The following PTPRD variants were observed in gnomAD, a reference collection of about 807,000 sequenced individuals.
PTPRD encodes the protein protein tyrosine phosphatase receptor type D.
A neutral mutation model predicts 214.5 loss-of-function variants in PTPRD; 34 were observed. That is an observed-to-expected ratio of 0.16 (90% CI 0.12 to 0.21). The LOEUF (loss-of-function observed/expected upper bound fraction) is 0.21, where lower values mean the gene tolerates loss of function less well. PTPRD is among the 10% of genes least tolerant of loss of function. PTPRD has a pLI of 1.00. For synonymous variants in PTPRD, 1,128 were observed against 845.7 expected, an observed-to-expected ratio of 1.33 and a Z score of -5.79; for missense variants, 2,545 against 2,398.7, an observed-to-expected ratio of 1.06 and a Z score of -1.27.
rs545049305 is a variant in PTPRD, at chr9:10,289,821, G to T, written c.-545+51142C>A. On this transcript the variant is annotated intron_variant, in intron 3 of 45. Transcript: ENST00000381196. ...ACATAGGATATGTATACAAGAAATT[G>T]TAATAAAGAATAGAATAAAATGTAT... 2.6e-5 allele frequency among the ~76,000 whole-genome samples: 4 copies of T among 152,256 alleles called. No homozygotes were observed. The South Asian group carries it at 8.3e-4, about 32-fold the overall frequency.
At chr9:8,841,879 C>T (rs561018319) in intron 11 of PTPRD, among the ~76,000 whole-genome samples, 169 of 151,722 alleles carry the variant, frequency 1.1e-3, no homozygotes, top group African/African-American at 3.6e-3. Context: ...GGTGTGGTGG[C>T]GGACACCGGT....
intron 11 of PTPRD, among the ~76,000 whole-genome samples, chr9:8,822,739 A>T (rs544881759): frequency 1.3e-5 from 2 of 152,296 alleles, no homozygotes; most frequent in East Asian, 3.9e-4. Flanking sequence ...AACAGAGATT[A>T]AGCAATTTGC....
intron 11 of PTPRD, among the ~76,000 whole-genome samples, chr9:8,948,911 A>C (rs2099086933): frequency 6.6e-6 from 1 of 151,856 alleles, no homozygotes; most frequent in Non-Finnish European, 1.5e-5. Context: ...TCTCAGTCTG[A>C]ACACGGTTGT....
intron 11 of PTPRD, among the ~76,000 whole-genome samples, chr9:8,830,670 C>T (rs561836430): frequency 2.0e-4 from 31 of 152,242 alleles, no homozygotes; most frequent in Admixed American, 7.9e-4. Flanking sequence ...AGTCAATACC[C>T]AGCAAAGGGG....
At chr9:9,956,045 C>CT (rs2093905465) in intron 4 of PTPRD, among the ~76,000 whole-genome samples, 1 of 152,078 alleles carries the variant, frequency 6.6e-6, no homozygotes, top group South Asian at 2.1e-4. Context: ...AACCCACTAA[C>CT]TGTTGATCAC....
intron 2 of PTPRD, among the ~76,000 whole-genome samples, chr9:10,363,753 GTGACCCCT>G (rs1257509128): frequency 1.3e-5 from 2 of 152,010 alleles, no homozygotes; most frequent in East Asian, 3.9e-4. Flanking sequence ...CCAATAAAAT[GTGACCCCT>G]TATGGGTTTT....
At chr9:9,314,081 T>C (rs988325916) in intron 9 of PTPRD, among the ~76,000 whole-genome samples, 1 of 152,160 alleles carries the variant, frequency 6.6e-6, no homozygotes, top group African/African-American at 2.4e-5. Context: ...CTATTGTCAG[T>C]ACTAGCATAA....
chr9:8,791,185 A>T lies in PTPRD; in HGVS notation c.-103-57239T>A, dbSNP rs573974160. The stretch of plus-strand genomic sequence containing the variant: ...CATGAGAAACAGTGACAAAGGATGT[A>T]GAAAGAATACAATGCAGAGGAGAAG... On this transcript the variant is annotated intron_variant, in intron 11 of 45. Coordinates refer to ENST00000381196, the MANE Select transcript of PTPRD (RefSeq NM_002839.4). Among the ~76,000 whole-genome samples, 9 of 152,312 alleles carry T rather than the reference A, an allele frequency of 5.9e-5. No homozygotes were observed. The South Asian group carries it at 1.9e-3, about 32-fold the overall frequency.
chr9:8,809,065 T>A (rs1184465817), intron 11 of PTPRD, among the ~76,000 whole-genome samples: 2 of 152,044 alleles, frequency 1.3e-5, no homozygotes, highest in Non-Finnish European at 2.9e-5. Context: ...CACAGCTTGG[T>A]TTTCAAGGTC....
At chr9:10,009,729 G>C (rs970949936) in intron 4 of PTPRD, among the ~76,000 whole-genome samples, 1 of 151,922 alleles carries the variant, frequency 6.6e-6, no homozygotes, top group South Asian at 2.1e-4. Flanking sequence ...CTCCCGCAAA[G>C]GACAGCTTTG....
intron 2 of PTPRD, among the ~76,000 whole-genome samples, chr9:10,512,963 A>G (rs970601831): frequency 2.0e-5 from 3 of 152,126 alleles, no homozygotes; most frequent in Admixed American, 6.6e-5. Context: ...TCTAGGATAG[A>G]TATTATTTAA....
chr9:9,559,108 C>G (rs1289804156), intron 8 of PTPRD, among the ~76,000 whole-genome samples: 1 of 152,108 alleles, frequency 6.6e-6, no homozygotes. Flanking sequence ...GTAGCCTGTC[C>G]TGCCACACTC....
chr9:9,436,693 A>C (rs533517477), intron 8 of PTPRD, among the ~76,000 whole-genome samples: 1 of 151,942 alleles, frequency 6.6e-6, no homozygotes, highest in South Asian at 2.1e-4. Flanking sequence ...AAATCTCTCT[A>C]CATGAAGGAA....
At chr9:10,460,739 T>A (rs975854409) in intron 2 of PTPRD, among the ~76,000 whole-genome samples, 2 of 151,850 alleles carry the variant, frequency 1.3e-5, no homozygotes, top group Non-Finnish European at 2.9e-5. Flanking sequence ...AAAAATCAAC[T>A]CAAAATGGAT....
At chr9:8,830,030 A>C (rs1353095134) in intron 11 of PTPRD, among the ~76,000 whole-genome samples, 1 of 152,136 alleles carries the variant, frequency 6.6e-6, no homozygotes, top group East Asian at 1.9e-4. Flanking sequence ...TTAAATACCA[A>C]AGTTTGAATC....
intron 10 of PTPRD, among the ~76,000 whole-genome samples, chr9:9,145,562 T>C (rs2099867243): frequency 6.6e-6 from 1 of 152,088 alleles, no homozygotes; most frequent in Non-Finnish European, 1.5e-5. Context: ...TACCCCCTCC[T>C]CACCCCCAAC....
chr9:9,343,317 A>G (rs1392510454), intron 9 of PTPRD, among the ~76,000 whole-genome samples: 1 of 152,114 alleles, frequency 6.6e-6, no homozygotes, highest in African/African-American at 2.4e-5. Flanking sequence ...GTCTTCCTCA[A>G]TGGTTAACTA....
At chr9:9,571,839 A>G (rs2086533921) in intron 8 of PTPRD, among the ~76,000 whole-genome samples, 1 of 151,216 alleles carries the variant, frequency 6.6e-6, no homozygotes. Flanking sequence ...ATAAAACATT[A>G]AAACATATAC....
chr9:8,761,565 C>T (rs1453025301), intron 11 of PTPRD, among the ~76,000 whole-genome samples: 2 of 152,130 alleles, frequency 1.3e-5, no homozygotes, highest in African/African-American at 4.8e-5. Flanking sequence ...GAAAGCGGAG[C>T]TGCAAAGGTT....
Sources: allele counts gnomAD v4.1 joint callset (sites outside exome capture counted in the v4.1 genomes callset), GRCh38; gene constraint gnomAD v4.1.1; transcripts MANE v1.5; gene names NCBI Gene and HGNC (gene_info 2026-07-23, HGNC 2026-07-21).